PPP2R5C: variants seen among roughly 807,000 people sequenced by gnomAD.
The protein encoded by PPP2R5C is protein phosphatase 2 regulatory subunit B'gamma.
In PPP2R5C, 7 loss-of-function variants were observed where a neutral mutation model predicts 68.9. The ratio of observed to expected loss-of-function variants is 0.10; its 90% confidence interval spans 0.06 to 0.19. The LOEUF is 0.19. Ranked by LOEUF, PPP2R5C falls within the 10% of genes least tolerant of loss-of-function variation. The pLI is 1.00. For missense variants in PPP2R5C, 348 were observed against 641.3 expected (o/e 0.54, Z 4.94); for synonymous variants, 210 against 222.2 (o/e 0.95, Z 0.49).
chr14:101,761,786 GC>G, upstream of PPP2R5C: 1 of 968,966 alleles, frequency 1.0e-6, no homozygotes, highest in Non-Finnish European at 1.2e-6. Flanking sequence ...TCCCCGGGCG[GC>G]GGCGGCGGCG....
At chr14:101,821,622 G>C (rs557155585) in intron 1 of PPP2R5C, among the ~76,000 whole-genome samples, 10 of 151,666 alleles carry the variant, frequency 6.6e-5, no homozygotes, top group African/African-American at 1.9e-4. Flanking sequence ...TCTTGGTGGC[G>C]CTCTCGGTTC....
intron 9 of PPP2R5C, among the ~76,000 whole-genome samples, chr14:101,904,955 A>G (rs2045938654): frequency 6.6e-6 from 1 of 152,248 alleles, no homozygotes; most frequent in African/African-American, 2.4e-5. Context: ...TACGGAGAGA[A>G]AAAGCAAATA....
chr14:101,792,621 T>A (rs2038410540), intron 3 of PPP2R5C, among the ~76,000 whole-genome samples: 1 of 152,258 alleles, frequency 6.6e-6, no homozygotes, highest in African/African-American at 2.4e-5. Flanking sequence ...TTTCTCTTTG[T>A]TTTAATATCA....
At chr14:101,845,180 G>A (rs1006268206) in intron 1 of PPP2R5C, among the ~76,000 whole-genome samples, 12 of 151,934 alleles carry the variant, frequency 7.9e-5, no homozygotes, top group African/African-American at 1.2e-4. Flanking sequence ...AGCTAACACC[G>A]TTGAATTCCT....
chr14:101,877,328 G>A lies in PPP2R5C; in HGVS notation c.295-4833G>A, dbSNP rs564124688. Among the ~76,000 whole-genome samples the A allele has an allele frequency of 1.3e-5, 2 of 152,232 alleles. No homozygotes were observed. The highest frequency in any genetic ancestry group is 3.9e-4 in the East Asian group (2 of 5,170). On this transcript the variant is annotated intron_variant, in intron 2 of 13. Coordinates refer to ENST00000334743, the Ensembl canonical transcript of PPP2R5C. The surrounding 1 kb of genome is among the most constrained non-coding windows in gnomAD (Gnocchi z 4.2). Reference sequence around the variant, plus strand: ...AGGTCCTTCTTCTAGGTGGGAAGAGGGTGTAGAGAGACTGTTTCCATGAGG... The same window carrying A: ...AGGTCCTTCTTCTAGGTGGGAAGAGAGTGTAGAGAGACTGTTTCCATGAGG...
rs1352479149 is a variant in PPP2R5C at position 101,770,668 on chromosome 14, G to A, written c.93+7698G>A. ...CCCTCTTCAGTAAAAGCTTCGCTAC[G>A]GTATATGCAATTCTAGAAAGAGCTC... On this transcript the variant is annotated intron_variant, in intron 2 of 14. Transcript: ENST00000328724. Among the ~76,000 whole-genome samples, 3 of 152,172 alleles carry A rather than the reference G, an allele frequency of 2.0e-5. No individual in the cohort carries two copies. In the East Asian group the frequency reaches 5.8e-4, roughly 29 times the overall value.
rs1215348735 is a variant in PPP2R5C at position 101,835,262 on chromosome 14, A to T, written c.95-21424A>T. 6.6e-6 allele frequency among the ~76,000 whole-genome samples: 1 copy of T among 152,124 alleles called. No homozygotes were observed. Among genetic ancestry groups the T allele is most frequent in the Non-Finnish European group, 1.5e-5 (1 of 68,012 alleles). The stretch of plus-strand genomic sequence containing the variant: ...GGCTGGGGGAGCAGGATGAATTGGG[A>T]TAAGGGAAGCCCAGGGCAGGGTGTT... On this transcript the variant is annotated intron_variant, in intron 1 of 13. Coordinates refer to ENST00000334743, the Ensembl canonical transcript of PPP2R5C. This position sits in a 1 kb window ranked among gnomAD's most constrained non-coding sequence, Gnocchi z 5.0.
chr14:101,831,879 G>A (rs1595302797), intron 1 of PPP2R5C: 1 of 625,082 alleles, frequency 1.6e-6, no homozygotes. Flanking sequence ...CTTTAAAGTT[G>A]AGTTTAACTT....
At chr14:101,907,244 C>T (rs2046084348) in intron 10 of PPP2R5C, among the ~76,000 whole-genome samples, 1 of 152,082 alleles carries the variant, frequency 6.6e-6, no homozygotes, top group African/African-American at 2.4e-5. Flanking sequence ...GATCATGGCT[C>T]ACTTCAGCCT....
At chr14:101,893,279 C>A (rs529437252) in intron 7 of PPP2R5C, among the ~76,000 whole-genome samples, 171 bp downstream of exon 9, 1 of 152,226 alleles carries the variant, frequency 6.6e-6, no homozygotes, top group East Asian at 1.9e-4. Flanking sequence ...AAGAGAGATT[C>A]CTTTTAAGAA....
At chr14:101,887,877 G>A (rs2044628919) in intron 5 of PPP2R5C, among the ~76,000 whole-genome samples, 1 of 152,292 alleles carries the variant, frequency 6.6e-6, no homozygotes, top group African/African-American at 2.4e-5. Context: ...TAGTGTCTGG[G>A]GGGTCTGATT....
chr14:101,850,712 C>T (rs1332139331), intron 1 of PPP2R5C, among the ~76,000 whole-genome samples: 1 of 152,118 alleles, frequency 6.6e-6, no homozygotes, highest in Admixed American at 6.5e-5. Context: ...AGAGAGAGCC[C>T]TGCCTGCACA....
chr14:101,888,584 T>G lies in PPP2R5C; in HGVS notation c.630-1653T>G, dbSNP rs943813822. 2.2e-5 allele frequency among the ~76,000 whole-genome samples: 3 copies of G among 137,668 alleles called. No individual in the cohort carries two copies. The highest frequency in any genetic ancestry group is 3.9e-4 in the East Asian group (2 of 5,156). The allele number at this position is 137,668 out of a possible 152,430, so 90.3% of individuals were successfully genotyped here. Reference sequence around the variant, plus strand: ...GATCTCAGTTTTTCTGTTGTGTTGTTTTGTTTTGTTTTGTTTTGTTTTTTG... The same window carrying G: ...GATCTCAGTTTTTCTGTTGTGTTGTGTTGTTTTGTTTTGTTTTGTTTTTTG... On this transcript the variant is annotated intron_variant, in intron 5 of 13. Coordinates refer to ENST00000334743, the Ensembl canonical transcript of PPP2R5C. The surrounding 1 kb of genome is among the most constrained non-coding windows in gnomAD (Gnocchi z 5.6).
At chr14:101,926,961 C>G (rs1595576633) in exon 14 of PPP2R5C, 1 of 152,130 alleles carries the variant, frequency 6.6e-6, no homozygotes, top group Middle Eastern at 3.4e-3. Flanking sequence ...TCCTGAGAAA[C>G]TTGACAAGTA....
chr14:101,845,947 TA>T (rs2140462920), intron 1 of PPP2R5C, among the ~76,000 whole-genome samples: 1 of 152,342 alleles, frequency 6.6e-6, no homozygotes, highest in East Asian at 1.9e-4. Flanking sequence ...TTACCAAATT[TA>T]TACCCAAATG....
intron 3 of PPP2R5C, among the ~76,000 whole-genome samples, chr14:101,795,082 G>A (rs1446860327): frequency 6.6e-6 from 1 of 152,156 alleles, no homozygotes; most frequent in Non-Finnish European, 1.5e-5. Flanking sequence ...ATGATTTTTA[G>A]CAACCGTTTA....
At position 101,825,318 on chromosome 14, in the gene PPP2R5C, A is replaced by C. The variant is rs912615566; in HGVS notation, c.94+15282A>C. On this transcript the variant is annotated intron_variant, in intron 1 of 13. Coordinates refer to ENST00000334743, the Ensembl canonical transcript of PPP2R5C. The surrounding 1 kb of genome is among the most constrained non-coding windows in gnomAD (Gnocchi z 4.0). ...CATTAAAAGTGGGAGACATATACTG[A>C]TAATGGAATCCGGGCATTGCTATCT... is the stretch of plus-strand genomic sequence containing the variant. Among the ~76,000 whole-genome samples the C allele has an allele frequency of 6.6e-5, 10 of 152,110 alleles. No individual in the cohort carries two copies. Among genetic ancestry groups the C allele is most frequent in the Non-Finnish European group, 4.4e-5 (3 of 68,024 alleles).
At chr14:101,819,533 C>G (rs2039920665) in intron 1 of PPP2R5C, 1 of 155,008 alleles carries the variant, frequency 6.5e-6, no homozygotes, top group Non-Finnish European at 1.4e-5. Context: ...TTTTAAGTCT[C>G]AACTCTTTTG....
intron 1 of PPP2R5C, chr14:101,823,576 G>T (rs1566873095): frequency 1.0e-5 from 2 of 193,448 alleles, no homozygotes; most frequent in Non-Finnish European, 1.9e-5. Context: ...TCGCAAAAGG[G>T]TTCATTAACC....
Sources: gnomAD v4.1 joint callset for allele counts (sites outside exome capture counted in the v4.1 genomes callset) on GRCh38, gnomAD v4.1.1 for gene constraint, Gnocchi (gnomAD v3.1) non-coding constraint, MANE v1.5 for transcripts, NCBI Gene and HGNC (gene_info 2026-07-23, HGNC 2026-07-21) for gene names.